VSTM2B: variants seen among roughly 807,000 people sequenced by gnomAD.
VSTM2B encodes V-set and transmembrane domain containing 2B.
VSTM2B carries 24 observed loss-of-function variants against 24.0 expected under a neutral mutation model. The ratio of observed to expected loss-of-function variants is 1.00; its 90% CI spans 0.72 to 1.40. The LOEUF is 1.40. Ranked by LOEUF, VSTM2B falls within the 40% of genes most tolerant of loss-of-function variation. The pLI is 0.00. For missense variants in VSTM2B, 399 were observed against 416.4 expected (o/e 0.96, Z 0.36); for synonymous variants, 226 against 194.4 (o/e 1.16, Z -1.35).
chr19:29,528,196 G>C (rs1299446557), intron 2 of VSTM2B, among the ~76,000 whole-genome samples: 1 of 152,172 alleles, frequency 6.6e-6, no homozygotes, highest in African/African-American at 2.4e-5. Context: ...CAGTTCAGCC[G>C]GCAGGTGTGC....
chr19:29,545,378 C>T (rs531681129), intron 4 of VSTM2B, among the ~76,000 whole-genome samples: 136 of 152,108 alleles, frequency 8.9e-4, no homozygotes, highest in African/African-American at 3.0e-3. Flanking sequence ...TTTGGGAGGC[C>T]GAGGCGGTTA....
chr19:29,560,488 A>C (rs1355057038), intron 4 of VSTM2B, among the ~76,000 whole-genome samples: 1 of 151,804 alleles, frequency 6.6e-6, no homozygotes, highest in Non-Finnish European at 1.5e-5. Flanking sequence ...GTTCCCTCCC[A>C]CCCCAACATC....
Position 29,530,027 on chromosome 19 carries a change from G to A in VSTM2B, c.506G>A (p.Ser169Asn), listed in dbSNP as rs1429207397. The A allele has an allele frequency of 6.5e-7, 1 of 1,531,092 alleles. No individual in the cohort carries two copies. Among genetic ancestry groups the A allele is most frequent in the Non-Finnish European group, 8.7e-7 (1 of 1,143,556 alleles). The allele number at this position is 1,531,092 out of a possible 1,614,324, so 94.8% of individuals were successfully genotyped here. A position where few individuals can be genotyped will look rare whatever the true frequency, so the allele number is the denominator to read the frequency against. ...AAEAVSHIQS[S>N]GPRRHGPASA... ...GAGGCCGTGTCCCACATCCAGAGCA[G>A]CGGCCCGCGTCGCCACGGCCCAGCC... Residue 169 changes from serine to asparagine, a missense_variant, in exon 4 of 5, where the codon AGC (serine) becomes AAC (asparagine). Ser to Asn is a conservative substitution (Grantham distance 46). Transcript: ENST00000335523.
At chr19:29,536,871 T>A (rs1440127827) in intron 4 of VSTM2B, among the ~76,000 whole-genome samples, 2 of 152,188 alleles carry the variant, frequency 1.3e-5, no homozygotes, top group Non-Finnish European at 2.9e-5. Context: ...ATAAATGAGG[T>A]CAAGTGCTTT....
At position 29,526,518 on chromosome 19, in the gene VSTM2B, C is replaced by A. The variant is rs1969570601; in HGVS notation, c.-66C>A. 2.5e-5 allele frequency: 33 copies of A among 1,338,238 alleles called. No homozygotes were observed. Among genetic ancestry groups the A allele is most frequent in the Non-Finnish European group, 5.0e-6 (5 of 1,006,884 alleles). 82.9% of individuals were successfully genotyped at this position (1,338,238 alleles called of 1,614,324 possible). On this transcript the variant is annotated 5_prime_UTR_variant, in exon 1 of 5. Coordinates refer to ENST00000335523, the MANE Select transcript of VSTM2B (RefSeq NM_001146339.2). The surrounding 1 kb of genome is among the most constrained non-coding windows in gnomAD (Gnocchi z 4.1). ...CGTCCTAGCCCGAGCCGGAGCCGAT[C>A]CGAGCCCACGCGGCCGCCGCCTCTC...
chr19:29,538,588 A>T (rs1241440252), intron 4 of VSTM2B, among the ~76,000 whole-genome samples: 1 of 152,168 alleles, frequency 6.6e-6, no homozygotes, highest in Non-Finnish European at 1.5e-5. Flanking sequence ...GAGTCTGGTC[A>T]TTTATAGAGA....
chr19:29,541,651 G>A (rs1599887665), intron 4 of VSTM2B, among the ~76,000 whole-genome samples: 1 of 151,926 alleles, frequency 6.6e-6, no homozygotes, highest in East Asian at 1.9e-4. Context: ...GGGTAGATGG[G>A]TACATAGAAG....
At position 29,526,316 on chromosome 19, in the gene VSTM2B, G is replaced by C. The variant is rs955931048; in HGVS notation, c.-268G>C. On this transcript the variant is annotated 5_prime_UTR_variant, in exon 1 of 5. Coordinates refer to ENST00000335523, the MANE Select transcript of VSTM2B (RefSeq NM_001146339.2). The surrounding 1 kb of genome is among the most constrained non-coding windows in gnomAD (Gnocchi z 4.1). Reference sequence around the variant, plus strand: ...CCACCGTCCTGTGGACGACCGGACAGAGAGAGGCACTGACCGATCGCCAGC... The same window carrying C: ...CCACCGTCCTGTGGACGACCGGACACAGAGAGGCACTGACCGATCGCCAGC... Among the ~76,000 whole-genome samples, 31 of 151,984 alleles carry C rather than the reference G, an allele frequency of 2.0e-4. No homozygotes were observed. The highest frequency in any genetic ancestry group is 7.5e-4 in the African/African-American group (31 of 41,532).
In VSTM2B at chr19:29,526,767, TC is replaced by T; in HGVS notation, c.82+103del. On this transcript the variant is annotated intron_variant, in intron 1 of 4. Transcript: ENST00000335523. This position sits in a 1 kb window ranked among gnomAD's most constrained non-coding sequence, Gnocchi z 4.1. ...GAGAACGAACCGGGAAGCTTCGCGGTCTCCAGCAATCCCGCTGTGCAGCCTG... is the reference window on the plus strand; with the variant it reads ...GAGAACGAACCGGGAAGCTTCGCGGTTCCAGCAATCCCGCTGTGCAGCCTG... 2 of 1,114,058 alleles carry T rather than the reference TC, an allele frequency of 1.8e-6. No homozygotes were observed. The highest frequency in any genetic ancestry group is 2.5e-6 in the Non-Finnish European group (2 of 789,974). The allele number at this position is 1,114,058 out of a possible 1,614,324, so 69.0% of individuals were successfully genotyped here.
At chr19:29,528,834 C>A in intron 3 of VSTM2B, 7 of 890,404 alleles carry the variant, frequency 7.9e-6, no homozygotes, top group Non-Finnish European at 6.7e-6. Flanking sequence ...GCGACCGTGG[C>A]GCCAGCTTCC....
At chr19:29,538,312 C>G (rs552239495) in intron 4 of VSTM2B, among the ~76,000 whole-genome samples, 4 of 152,188 alleles carry the variant, frequency 2.6e-5, no homozygotes, top group Non-Finnish European at 4.4e-5. Context: ...GAGTGGTTGG[C>G]AGGATCCGGG....
chr19:29,545,861 T>C lies in VSTM2B; in HGVS notation c.769+15571T>C, dbSNP rs1467502473. Among the ~76,000 whole-genome samples, 3 of 151,482 alleles carry C rather than the reference T, an allele frequency of 2.0e-5. No homozygotes were observed. The East Asian group carries it at 5.8e-4, about 29-fold the overall frequency. On this transcript the variant is annotated intron_variant, in intron 4 of 4. Transcript: ENST00000335523. ...GTACCCCCTGATTCTAAAATAAAAGTTGAAAAAAGAAAGAAAAGAAAAGAA... is the reference window on the plus strand; with the variant it reads ...GTACCCCCTGATTCTAAAATAAAAGCTGAAAAAAGAAAGAAAAGAAAAGAA...
chr19:29,535,051 TCACGTCTCATTTGTC>T (rs1969856146), intron 4 of VSTM2B, among the ~76,000 whole-genome samples: 1 of 152,240 alleles, frequency 6.6e-6, no homozygotes, highest in Non-Finnish European at 1.5e-5. Context: ...CTCATTCATT[TCACGTCTCATTTGTC>T]AAGAGACATT....
intron 4 of VSTM2B, among the ~76,000 whole-genome samples, chr19:29,535,210 A>G (rs1296520699): frequency 6.6e-6 from 1 of 152,144 alleles, no homozygotes; most frequent in Non-Finnish European, 1.5e-5. Flanking sequence ...TTTTTCGTGA[A>G]CACTTTGTTG....
In VSTM2B at chr19:29,526,141, C is replaced by G. The variant is rs577531002; in HGVS notation, c.-443C>G. ...AACCGGCGGGGGCGGCTGCGGGAGC[C>G]GAAGGAGGTGGCAATCGGGAGCAGA... On this transcript the variant is annotated 5_prime_UTR_variant, in exon 1 of 5. Transcript: ENST00000335523. This position sits in a 1 kb window ranked among gnomAD's most constrained non-coding sequence, Gnocchi z 4.1. Among the ~76,000 whole-genome samples, 307 of 152,116 alleles carry G rather than the reference C, an allele frequency of 2.0e-3. 2 individuals are homozygous for G. Among genetic ancestry groups the G allele is most frequent in the Admixed American group, 3.7e-3 (57 of 15,296 alleles).
Position 29,534,900 on chromosome 19 carries a change from T to C in VSTM2B, c.769+4610T>C, listed in dbSNP as rs577404771. Among the ~76,000 whole-genome samples, 10 of 152,242 alleles carry C rather than the reference T, an allele frequency of 6.6e-5. 1 individual carries two copies. Among genetic ancestry groups the C allele is most frequent in the African/African-American group, 2.4e-4 (10 of 41,542 alleles). On this transcript the variant is annotated intron_variant, in intron 4 of 4. Coordinates refer to ENST00000335523, the MANE Select transcript of VSTM2B (RefSeq NM_001146339.2). ...TTTTTTAAGTGAGCCACTTTGGTAA[T>C]GCCACGAAGGAGAGAGGGGGGACTT...
intron 4 of VSTM2B, among the ~76,000 whole-genome samples, chr19:29,562,327 G>A (rs1286401182): frequency 2.0e-5 from 3 of 152,228 alleles, no homozygotes; most frequent in African/African-American, 7.2e-5. Flanking sequence ...GCTGCTACCT[G>A]GAGAGAGGAG....
chr19:29,549,549 G>A (rs1001650572), intron 4 of VSTM2B, among the ~76,000 whole-genome samples: 1 of 151,000 alleles, frequency 6.6e-6, no homozygotes, highest in Non-Finnish European at 1.5e-5. Context: ...CCCCAAGGCT[G>A]CTCTAGGAGA....
intron 4 of VSTM2B, among the ~76,000 whole-genome samples, chr19:29,548,856 A>G (rs538772223): frequency 1.7e-4 from 26 of 152,330 alleles, no homozygotes; most frequent in Admixed American, 5.2e-4. Flanking sequence ...TGGCACATAG[A>G]GTGCAAATTC....
Sources: allele counts gnomAD v4.1 joint callset (sites outside exome capture counted in the v4.1 genomes callset), GRCh38; gene constraint gnomAD v4.1.1; non-coding constraint Gnocchi (gnomAD v3.1); transcripts MANE v1.5; gene names NCBI Gene and HGNC (gene_info 2026-07-23, HGNC 2026-07-21).